PIK3CD: variants seen among roughly 807,000 people sequenced by gnomAD.
PIK3CD encodes phosphatidylinositol 4,5-bisphosphate 3-kinase catalytic subunit delta isoform.
Under a neutral mutation model 122.9 loss-of-function variants are expected in PIK3CD, and 20 were observed. The ratio of observed to expected loss-of-function variants is 0.16; its 90% confidence interval spans 0.11 to 0.24. PIK3CD has a LOEUF of 0.24. Ranked by LOEUF, PIK3CD falls within the 10% of genes least tolerant of loss-of-function variation. PIK3CD has a pLI of 1.00. For missense variants in PIK3CD, 787 were observed against 1,406.3 expected (o/e 0.56, Z 7.04); for synonymous variants, 596 against 593.4 (o/e 1.00, Z -0.06).
In PIK3CD at chr1:9,728,486, C is replaced by G. The variant is rs551200566; in HGVS notation, c.*1440C>G. ...GTGATGCTGTTGATTTCTCAAAGGT[C>G]TTCCAAAACTCAACAGAGCCAGAAG... is the stretch of plus-strand genomic sequence containing the variant. On this transcript the variant is annotated 3_prime_UTR_variant, in exon 24 of 24. Coordinates refer to ENST00000377346, the MANE Select transcript of PIK3CD (RefSeq NM_005026.5). 1 of 152,378 alleles carries G rather than the reference C, an allele frequency of 6.6e-6. No homozygotes were observed. Among genetic ancestry groups the G allele is most frequent in the South Asian group, 2.1e-4 (1 of 4,834 alleles). 9.4% of individuals were successfully genotyped at this position (152,378 alleles called of 1,614,324 possible). A position where few individuals can be genotyped will look rare whatever the true frequency, so the allele number is the denominator to read the frequency against.
chr1:9,675,385 CAA>C (rs34447888), intron 1 of PIK3CD, among the ~76,000 whole-genome samples: 2,862 of 59,436 alleles, frequency 0.048, 40 homozygotes, highest in African/African-American at 0.11. Context: ...GACTCCGTCT[CAA>C]AAAAAAAAAA....
rs948347302 is a variant in PIK3CD at position 9,722,107 on chromosome 1, C to T, written c.2188C>T (p.His730Tyr). The T allele has an allele frequency of 1.2e-6, 2 of 1,613,422 alleles. No homozygotes were observed. Among genetic ancestry groups the T allele is most frequent in the African/African-American group, 2.7e-5 (2 of 75,050 alleles). The change falls in exon 17 of 24, where the codon CAC becomes TAC. Residue 730 changes from histidine to tyrosine, a missense_variant. Around this residue, in one of 6 missense-constraint regions of PIK3CD, gnomAD observed 48 missense variants for 71.9 expected, o/e 0.67. Transcript: ENST00000377346. This position sits in a 1 kb window ranked among gnomAD's most constrained non-coding sequence, Gnocchi z 7.6. ...RQEAYLEALSHLQSPLDPSTL... is the reference protein window; with the variant it reads ...RQEAYLEALSYLQSPLDPSTL... ...GGAGGCCTACCTAGAGGCCCTCTCC[C>T]ACCTGCAGTCCCCACTCGACCCCAG...
rs763605461 is a variant in PIK3CD at position 9,724,776 on chromosome 1, C to A, written c.2865-28C>A. 1 of 1,611,810 alleles carries A rather than the reference C, an allele frequency of 6.2e-7. No homozygotes were observed. The highest frequency in any genetic ancestry group is 1.3e-5 in the African/African-American group (1 of 74,984). ...GGCCTGTGGCTGGGAGTTCCCAGAG[C>A]CTCACTTCCTCTGTCCCCTACCTGC... On this transcript the variant is annotated intron_variant, in intron 22 of 23. Transcript: ENST00000377346. This position sits in a 1 kb window ranked among gnomAD's most constrained non-coding sequence, Gnocchi z 7.3.
Position 9,659,247 on chromosome 1 carries a change from A to C in PIK3CD, c.-138+7445A>C, listed in dbSNP as rs148797550. ...ACCTAGGTGATGGGTTGATAGGTAC[A>C]GCAAACCACCGTAGCACACGTTTAC... On this transcript the variant is annotated intron_variant, in intron 1 of 23. Transcript: ENST00000377346. Among the ~76,000 whole-genome samples, 890 of 152,268 alleles carry C rather than the reference A, an allele frequency of 5.8e-3. 8 individuals are homozygous for C. The highest frequency in any genetic ancestry group is 0.02 in the African/African-American group (844 of 41,542).
intron 1 of PIK3CD, among the ~76,000 whole-genome samples, chr1:9,663,940 T>C (rs1645082191): frequency 6.6e-6 from 1 of 152,156 alleles, no homozygotes; most frequent in South Asian, 2.1e-4. Context: ...TGCATAGTAT[T>C]CCATGGTGTA....
the PIK3CD span, among the ~76,000 whole-genome samples, chr1:9,627,803 T>C: frequency 6.6e-6 from 1 of 152,012 alleles, no homozygotes; most frequent in Non-Finnish European, 1.5e-5. Context: ...CCAAAGGCAG[T>C]AGAGAGAGGA....
chr1:9,628,318 A>G, the PIK3CD span, among the ~76,000 whole-genome samples: 4 of 152,232 alleles, frequency 2.6e-5, no homozygotes, highest in East Asian at 7.7e-4. Context: ...AAAGAAAGAA[A>G]AATACTCTTA....
At chr1:9,683,725 G>T (rs1364759332) in intron 1 of PIK3CD, among the ~76,000 whole-genome samples, 1 of 152,152 alleles carries the variant, frequency 6.6e-6, no homozygotes. Flanking sequence ...AAGCAACACT[G>T]TGATGCTCAC....
the PIK3CD span, among the ~76,000 whole-genome samples, chr1:9,645,290 A>ACT: frequency 6.6e-6 from 1 of 151,914 alleles, no homozygotes; most frequent in Non-Finnish European, 1.5e-5. Context: ...AAGTGCTGGG[A>ACT]TTAGAGGCGT....
intron 1 of PIK3CD, among the ~76,000 whole-genome samples, chr1:9,661,799 A>G (rs1382128768): frequency 6.6e-6 from 1 of 152,200 alleles, no homozygotes; most frequent in East Asian, 1.9e-4. Context: ...GATCGAGACC[A>G]TCCTGGCTAA....
chr1:9,634,529 G>A, the PIK3CD span, among the ~76,000 whole-genome samples: 2 of 151,580 alleles, frequency 1.3e-5, no homozygotes, highest in South Asian at 4.2e-4. Flanking sequence ...AAACTCCTGA[G>A]TTCAAGTGAT....
chr1:9,672,273 T>G (rs1645352698), intron 1 of PIK3CD, among the ~76,000 whole-genome samples: 1 of 152,174 alleles, frequency 6.6e-6, no homozygotes, highest in South Asian at 2.1e-4. Context: ...CCCCTAACTT[T>G]AGAGTCAAAT....
chr1:9,655,048 CAG>C lies in PIK3CD; in HGVS notation c.-138+3249_-138+3250del, dbSNP rs553980173. Among the ~76,000 whole-genome samples the C allele has an allele frequency of 5.4e-3, 774 of 142,314 alleles. 7 individuals are homozygous for C. Among genetic ancestry groups the C allele is most frequent in the African/African-American group, 0.019 (716 of 37,974 alleles). 93.4% of individuals were successfully genotyped at this position (142,314 alleles called of 152,430 possible). Reference sequence around the variant, plus strand: ...TGCCACTGCACTCCAGCCTGGGCAACAGAGTGAGACTACATTTCAAAAAAAAA... The same window carrying C: ...TGCCACTGCACTCCAGCCTGGGCAACAGTGAGACTACATTTCAAAAAAAAA... On this transcript the variant is annotated intron_variant, in intron 1 of 23. Coordinates refer to ENST00000377346, the MANE Select transcript of PIK3CD (RefSeq NM_005026.5).
At chr1:9,630,641 A>AG in the PIK3CD span, among the ~76,000 whole-genome samples, 1 of 152,168 alleles carries the variant, frequency 6.6e-6, no homozygotes, top group African/African-American at 2.4e-5. Context: ...CCTTCGGGCA[A>AG]GGGGGCCAAG....
chr1:9,721,295 TCCTGGCTGCCAGGACGTGGGCTCTGGGTG>T (rs1376173358), intron 14 of PIK3CD, 47 bp downstream of exon 14: 2 of 1,612,518 alleles, frequency 1.2e-6, no homozygotes, highest in Admixed American at 3.3e-5. Context: ...GGCAGCTGTG[TCCTGGCTGCCAGGACGTGGGCTCTGGGTG>T]GGGCCTGAAC....
At position 9,691,327 on chromosome 1, in the gene PIK3CD, T is replaced by A. The variant is rs1032527925; in HGVS notation, c.-137-140T>A. The A allele has an allele frequency of 1.3e-5, 5 of 384,386 alleles. No homozygotes were observed. The East Asian group carries it at 1.9e-4, about 14-fold the overall frequency. 23.8% of individuals were successfully genotyped at this position (384,386 alleles called of 1,614,324 possible). A position where few individuals can be genotyped will look rare whatever the true frequency, so the allele number is the denominator to read the frequency against. ...GGCAAGAAAGGCCGATCAAGTGGAA[T>A]GTGATTGGTTTGCAAAAAGGAGAGA... On this transcript the variant is annotated intron_variant, in intron 1 of 23. Coordinates refer to ENST00000377346, the MANE Select transcript of PIK3CD (RefSeq NM_005026.5).
chr1:9,640,496 C>A, the PIK3CD span, among the ~76,000 whole-genome samples: 1 of 111,906 alleles, frequency 8.9e-6, no homozygotes, highest in Non-Finnish European at 1.5e-5. Context: ...AGGAGAATCG[C>A]TTGACCAGGG....
In PIK3CD at chr1:9,729,085, A is replaced by G. The variant is rs1456369585; in HGVS notation, c.*2039A>G. ...ACTTTCTGACCTATCATGAGTATAC[A>G]CATCTGCGAAGGGAAACCGCGCGGC... On this transcript the variant is annotated 3_prime_UTR_variant, in exon 24 of 24. Coordinates refer to ENST00000377346, the MANE Select transcript of PIK3CD (RefSeq NM_005026.5). The G allele has an allele frequency of 6.6e-6, 1 of 152,182 alleles. No individual in the cohort carries two copies. Among genetic ancestry groups the G allele is most frequent in the Non-Finnish European group, 1.5e-5 (1 of 68,034 alleles). 9.4% of individuals were successfully genotyped at this position (152,182 alleles called of 1,614,324 possible). A position where few individuals can be genotyped will look rare whatever the true frequency, so the allele number is the denominator to read the frequency against.
At chr1:9,691,401 C>T in intron 1 of PIK3CD, 66 bp from the exon 2 acceptor site, 2 of 397,162 alleles carry the variant, frequency 5.0e-6, no homozygotes. Context: ...AGAGAATGCA[C>T]AGGTTTCTGA....
Sources: allele counts gnomAD v4.1 joint callset (sites outside exome capture counted in the v4.1 genomes callset), GRCh38; gene constraint gnomAD v4.1.1; regional missense constraint gnomAD v4.1.1; non-coding constraint Gnocchi (gnomAD v3.1); transcripts MANE v1.5; gene names NCBI Gene and HGNC (gene_info 2026-07-23, HGNC 2026-07-21).